Variants in CNTN5 observed in about 807,000 individuals in gnomAD.
CNTN5 encodes the protein contactin 5, also known as contactin-5.
CNTN5 carries 77 observed loss-of-function variants against 129.1 expected under a neutral mutation model. That is an observed-to-expected ratio of 0.60 (90% CI 0.50 to 0.72). The LOEUF is 0.72. CNTN5 is among the 30% of genes least tolerant of loss of function. The probability of loss-of-function intolerance (pLI) is 0.00; values close to 1 mark genes in which losing one functional copy is unlikely to be tolerated. For missense variants in CNTN5, 1,478 were observed against 1,328.8 expected (o/e 1.11, Z -1.75); for synonymous variants, 509 against 465.6 (o/e 1.09, Z -1.20).
At chr11:100,008,106 G>A (rs941023663) in intron 9 of CNTN5, among the ~76,000 whole-genome samples, 3 of 151,946 alleles carry the variant, frequency 2.0e-5, no homozygotes, top group Non-Finnish European at 4.4e-5. Context: ...CATAGTTCAT[G>A]GAGCTTCAAA....
At chr11:99,648,959 G>C (rs1406747551) in intron 3 of CNTN5, among the ~76,000 whole-genome samples, 1 of 151,724 alleles carries the variant, frequency 6.6e-6, no homozygotes, top group South Asian at 2.1e-4. Context: ...CACAACTACA[G>C]CTAGATTGGA....
intron 2 of CNTN5, among the ~76,000 whole-genome samples, chr11:99,470,158 G>T (rs1565209413): frequency 6.6e-6 from 1 of 152,036 alleles, no homozygotes; most frequent in Admixed American, 6.6e-5. Flanking sequence ...TTTCATTCTT[G>T]CTTTAGTTAT....
At chr11:99,917,069 T>C (rs1421346192) in intron 7 of CNTN5, among the ~76,000 whole-genome samples, 1 of 152,138 alleles carries the variant, frequency 6.6e-6, no homozygotes, top group Non-Finnish European at 1.5e-5. Flanking sequence ...ATGGCCTACA[T>C]TGATTTTCTT....
chr11:100,146,558 T>G (rs918227173), intron 13 of CNTN5, among the ~76,000 whole-genome samples: 1 of 152,158 alleles, frequency 6.6e-6, no homozygotes, highest in Non-Finnish European at 1.5e-5. Flanking sequence ...GGATCTCAGC[T>G]TTTTAGTGAC....
chr11:100,015,238 C>T lies in CNTN5; in HGVS notation c.980+13102C>T, dbSNP rs553976370. Among the ~76,000 whole-genome samples the T allele has an allele frequency of 4.6e-5, 7 of 152,172 alleles. No individual in the cohort carries two copies. In the South Asian group the frequency reaches 1.2e-3, roughly 27 times the overall value. Reference sequence around the variant, plus strand: ...AGATTGTAAAAATAAAAGCTCAGTCCGTCTTAGTCTCTATCTCAAATTATG... The same window carrying T: ...AGATTGTAAAAATAAAAGCTCAGTCTGTCTTAGTCTCTATCTCAAATTATG... On this transcript the variant is annotated intron_variant, in intron 9 of 24. Coordinates refer to ENST00000524871, the MANE Select transcript of CNTN5 (RefSeq NM_014361.4).
At chr11:99,516,164 A>G (rs1428741008) in intron 2 of CNTN5, among the ~76,000 whole-genome samples, 1 of 152,056 alleles carries the variant, frequency 6.6e-6, no homozygotes, top group Non-Finnish European at 1.5e-5. Flanking sequence ...TACAATACTC[A>G]TAAATATAAG....
intron 4 of CNTN5, among the ~76,000 whole-genome samples, chr11:99,833,869 C>T (rs1421006991): frequency 6.6e-6 from 1 of 152,110 alleles, no homozygotes; most frequent in Non-Finnish European, 1.5e-5. Flanking sequence ...TGCTGTGTCG[C>T]TTCCTTCTTC....
intron 6 of CNTN5, among the ~76,000 whole-genome samples, chr11:99,858,906 G>A (rs1392179380): frequency 5.7e-5 from 6 of 104,572 alleles, no homozygotes; most frequent in Non-Finnish European, 9.5e-5. Flanking sequence ...ACACTCAGGT[G>A]AATGTTTTGC....
chr11:100,298,082 AT>A (rs977701276), intron 19 of CNTN5, among the ~76,000 whole-genome samples: 8 of 151,424 alleles, frequency 5.3e-5, no homozygotes, highest in African/African-American at 1.9e-4. Flanking sequence ...GAATACATTT[AT>A]TTTCCATGAA....
rs888534233 is a variant in CNTN5 at position 99,731,105 on chromosome 11, A to AT, written c.56-88429dup. ...GCAGCTATATAACCTGGAAATCAGC[A>AT]TTTTTTTTTTCTTTTTTTTTTGAGA... On this transcript the variant is annotated intron_variant, in intron 3 of 24. Transcript: ENST00000524871. 1.0e-3 allele frequency among the ~76,000 whole-genome samples: 155 copies of AT among 148,134 alleles called. 1 individual carries two copies. The highest frequency in any genetic ancestry group is 3.5e-3 in the Middle Eastern group (1 of 288).
At chr11:99,483,254 C>A (rs948900901) in intron 2 of CNTN5, among the ~76,000 whole-genome samples, 1 of 150,346 alleles carries the variant, frequency 6.7e-6, no homozygotes, top group African/African-American at 2.4e-5. Context: ...GAGGGCCAAG[C>A]TGGCAACTTG....
At chr11:99,871,110 T>G (rs1948493137) in intron 6 of CNTN5, among the ~76,000 whole-genome samples, 1 of 152,040 alleles carries the variant, frequency 6.6e-6, no homozygotes, top group African/African-American at 2.4e-5. Flanking sequence ...ACTACAAAAT[T>G]TCACAGTTAC....
intron 6 of CNTN5, among the ~76,000 whole-genome samples, chr11:99,888,960 C>T (rs1948973215): frequency 6.8e-6 from 1 of 147,166 alleles, no homozygotes; most frequent in African/African-American, 2.5e-5. Flanking sequence ...GTATAAAATG[C>T]TTAACATTGT....
intron 6 of CNTN5, among the ~76,000 whole-genome samples, chr11:99,850,171 C>T (rs1947827463): frequency 6.6e-6 from 1 of 152,014 alleles, no homozygotes; most frequent in Admixed American, 6.6e-5. Flanking sequence ...GAATTTTGGG[C>T]TTATAGTAAT....
intron 3 of CNTN5, among the ~76,000 whole-genome samples, chr11:99,746,057 G>A (rs1036660077): frequency 2.6e-5 from 4 of 152,070 alleles, no homozygotes; most frequent in South Asian, 2.1e-4. Context: ...GATCAGATGT[G>A]ACCACTACCA....
chr11:99,674,607 C>T (rs1432235151), intron 3 of CNTN5, among the ~76,000 whole-genome samples: 1 of 152,142 alleles, frequency 6.6e-6, no homozygotes, highest in African/African-American at 2.4e-5. Flanking sequence ...GATGCAATCA[C>T]TCTTGTCAGA....
intron 13 of CNTN5, among the ~76,000 whole-genome samples, chr11:100,110,855 G>A (rs1239848296): frequency 6.6e-6 from 1 of 152,074 alleles, no homozygotes; most frequent in Admixed American, 6.5e-5. Context: ...ATTTGAAAAT[G>A]GTAAGCCTCT....
At chr11:99,620,244 C>A (rs652300) in intron 3 of CNTN5, among the ~76,000 whole-genome samples, 68,386 of 151,586 alleles carry the variant, frequency 0.45, 15,873 homozygotes, top group Admixed American at 0.59. Flanking sequence ...TAATTATTCC[C>A]AGTTGTGTTC....
At chr11:99,764,470 C>A (rs1944687205) in intron 3 of CNTN5, among the ~76,000 whole-genome samples, 1 of 152,036 alleles carries the variant, frequency 6.6e-6, no homozygotes, top group Non-Finnish European at 1.5e-5. Flanking sequence ...GGCTGGAGTA[C>A]AATGGCGTGA....
Sources: gnomAD v4.1 joint callset for allele counts (sites outside exome capture counted in the v4.1 genomes callset) on GRCh38, gnomAD v4.1.1 for gene constraint, MANE v1.5 for transcripts, NCBI Gene and HGNC (gene_info 2026-07-23, HGNC 2026-07-21) for gene names.